GOLGA1: variants seen among roughly 807,000 people sequenced by gnomAD.
GOLGA1 encodes golgin A1.
In GOLGA1, 63 loss-of-function variants were observed where a neutral mutation model predicts 119.7. The observed-to-expected ratio is 0.53, with a 90% CI of 0.43 to 0.65. The LOEUF is 0.65. Ranked by LOEUF, GOLGA1 falls within the 30% of genes least tolerant of loss-of-function variation. GOLGA1 has a pLI of 0.00. For missense variants in GOLGA1, 798 were observed against 912.8 expected (o/e 0.87, Z 1.62); for synonymous variants, 318 against 333.4 (o/e 0.95, Z 0.50).
In GOLGA1 at chr9:124,908,397, T is replaced by C; in HGVS notation, c.1045A>G (p.Ile349Val). 1 of 1,603,774 alleles carries C rather than the reference T, an allele frequency of 6.2e-7. No homozygotes were observed. The highest frequency in any genetic ancestry group is 8.5e-7 in the Non-Finnish European group (1 of 1,170,500). Residue 349 changes from isoleucine to valine, a missense_variant, in exon 12 of 23, where the codon ATT becomes GTT. Transcript: ENST00000373555. Reference sequence around the variant, plus strand: ...AGTACCCGAGTCTCCAGGGTGTTAATGGCCTTAGCCTGGCTGCTTCTGGCT... The same window carrying C: ...AGTACCCGAGTCTCCAGGGTGTTAACGGCCTTAGCCTGGCTGCTTCTGGCT... ...LAARSSQAKA[I>V]NTLETRVREL...
Position 124,888,305 on chromosome 9 carries a change from T to C in GOLGA1, c.1853A>G (p.Gln618Arg), listed in dbSNP as rs781685088. The stretch of plus-strand genomic sequence containing the variant: ...CAAGTCCTGTTTCTCCTTCTGTAGC[T>C]GTGTGAGATCCATGGCCCCAACCTC... ...NGEVGAMDLTQLQKEKQDLEQ... is the reference protein window; with the variant it reads ...NGEVGAMDLTRLQKEKQDLEQ... Residue 618 changes from glutamine to arginine, a missense_variant, in exon 19 of 23, where the codon CAG becomes CGG. Gln to Arg is a conservative substitution (Grantham distance 43, BLOSUM62 1). Coordinates refer to ENST00000373555, the MANE Select transcript of GOLGA1 (RefSeq NM_002077.4). This position sits in a 1 kb window ranked among gnomAD's most constrained non-coding sequence, Gnocchi z 4.4. The C allele has an allele frequency of 1.9e-6, 3 of 1,614,058 alleles. No homozygotes were observed. The highest frequency in any genetic ancestry group is 2.2e-5 in the East Asian group (1 of 44,886).
At position 124,911,986 on chromosome 9, in the gene GOLGA1, T is replaced by C. The variant is rs1387390464; in HGVS notation, c.884A>G (p.His295Arg). ...CAAGGATGCAACCTTCTCTTGCAAA[T>C]GTGTGATAACGTCTTCTTTCTCTTG... ...ETQEKEDVITHLQEKVASLEK... is the reference protein window; with the variant it reads ...ETQEKEDVITRLQEKVASLEK... Residue 295 changes from histidine to arginine, a missense_variant, in exon 11 of 23, where the codon CAT becomes CGT. By Grantham distance (29) the His-to-Arg change is conservative. Coordinates refer to ENST00000373555, the MANE Select transcript of GOLGA1 (RefSeq NM_002077.4). 6.2e-7 allele frequency: 1 copy of C among 1,613,200 alleles called. No individual in the cohort carries two copies. The highest frequency in any genetic ancestry group is 1.1e-5 in the South Asian group (1 of 91,058).
At chr9:124,907,364 G>A (rs1307450792) in intron 12 of GOLGA1, among the ~76,000 whole-genome samples, 1 of 152,178 alleles carries the variant, frequency 6.6e-6, no homozygotes, top group African/African-American at 2.4e-5. Context: ...TTTATTATGT[G>A]AAGGAAAAAT....
At position 124,890,392 on chromosome 9, in the gene GOLGA1, T is replaced by G; in HGVS notation, c.1494A>C (p.Gln498His). Residue 498 changes from glutamine to histidine, a missense_variant, in exon 16 of 23, where the codon CAA becomes CAC. Coordinates refer to ENST00000373555, the MANE Select transcript of GOLGA1 (RefSeq NM_002077.4). Reference protein sequence around the residue: ...EVRKQREEFQQQAANLTAIID... With the variant: ...EVRKQREEFQHQAANLTAIID... ...CTCAGCGTGAAACAGGGCCCACCTG[T>G]TGCTGGAACTCTTCCCTTTGCTTCC... 1.2e-6 allele frequency: 2 copies of G among 1,608,178 alleles called. No individual in the cohort carries two copies. The highest frequency in any genetic ancestry group is 8.5e-7 in the Non-Finnish European group (1 of 1,174,570).
At chr9:124,883,508 C>CATA (rs1215923286) in intron 19 of GOLGA1, among the ~76,000 whole-genome samples, 1 of 152,054 alleles carries the variant, frequency 6.6e-6, no homozygotes. Flanking sequence ...TTGCAGGTGA[C>CATA]ATAATCTCAG....
chr9:124,882,039 T>A lies in GOLGA1; in HGVS notation c.1966-85A>T, dbSNP rs1038808734. 7.8e-6 allele frequency: 8 copies of A among 1,019,348 alleles called. No individual in the cohort carries two copies. The African/African-American group carries it at 1.3e-4, about 16-fold the overall frequency. The allele number at this position is 1,019,348 out of a possible 1,614,324, so 63.1% of individuals were successfully genotyped here. A position where few individuals can be genotyped will look rare whatever the true frequency, so the allele number is the denominator to read the frequency against. The stretch of plus-strand genomic sequence containing the variant: ...CACGGGAGGTTCACCTGGTCCAAAC[T>A]ATGATCACTATCGTAGGGCAAAAAG... On this transcript the variant is annotated intron_variant, in intron 20 of 22. Coordinates refer to ENST00000373555, the MANE Select transcript of GOLGA1 (RefSeq NM_002077.4).
chr9:124,886,724 T>C (rs1240598071), intron 19 of GOLGA1, among the ~76,000 whole-genome samples: 1 of 151,256 alleles, frequency 6.6e-6, no homozygotes, highest in East Asian at 1.9e-4. Flanking sequence ...GCTGGCGTAG[T>C]GCTTGGGGAG....
chr9:124,938,134 A>C (rs1830915199), intron 3 of GOLGA1, among the ~76,000 whole-genome samples: 1 of 152,100 alleles, frequency 6.6e-6, no homozygotes, highest in Non-Finnish European at 1.5e-5. Context: ...TACTGTAATC[A>C]CTGGGGCCAT....
At chr9:124,947,740 T>A (rs1206312816) in intron 1 of GOLGA1, 1 of 151,930 alleles carries the variant, frequency 6.6e-6, no homozygotes, top group African/African-American at 2.4e-5. Context: ...ATAAATAAGG[T>A]CAACAAAAGA....
chr9:124,906,611 G>A (rs1179357077), intron 12 of GOLGA1, among the ~76,000 whole-genome samples: 1 of 151,988 alleles, frequency 6.6e-6, no homozygotes. Context: ...AATTAGCTGG[G>A]CGTGATGCTG....
chr9:124,900,538 G>T lies in GOLGA1; in HGVS notation c.1075C>A (p.Leu359Met), dbSNP rs753200753. The change falls in exon 13 of 23, where the codon CTG (leucine) becomes ATG (methionine). Residue 359 changes from leucine to methionine, a missense_variant. Physicochemically the swap from Leu to Met is conservative, Grantham distance 15. Coordinates refer to ENST00000373555, the MANE Select transcript of GOLGA1 (RefSeq NM_002077.4). ...INTLETRVRE[L>M]EQTLQASEEQ... The stretch of plus-strand genomic sequence containing the variant: ...TCAGAGGCCTGCAAGGTCTGCTCCA[G>T]TTCTCTCACCTGAGAGGGAAGCAGA... 1.3e-6 allele frequency: 2 copies of T among 1,553,978 alleles called. No homozygotes were observed. The highest frequency in any genetic ancestry group is 1.8e-6 in the Non-Finnish European group (2 of 1,126,228).
At chr9:124,910,845 T>C (rs1417671002) in intron 11 of GOLGA1, among the ~76,000 whole-genome samples, 1 of 152,204 alleles carries the variant, frequency 6.6e-6, no homozygotes, top group African/African-American at 2.4e-5. Flanking sequence ...GGGACGATGA[T>C]GATCTGAGGT....
chr9:124,894,460 C>T (rs939015901), intron 15 of GOLGA1, among the ~76,000 whole-genome samples: 4 of 151,804 alleles, frequency 2.6e-5, no homozygotes, highest in Admixed American at 1.3e-4. Context: ...TGCAGTGGTA[C>T]GATCTTGCAC....
rs1469600742 is a variant in GOLGA1 at position 124,900,547 on chromosome 9, C to T, written c.1066G>A (p.Val356Met). The stretch of plus-strand genomic sequence containing the variant: ...TGCAAGGTCTGCTCCAGTTCTCTCA[C>T]CTGAGAGGGAAGCAGAAGCATTCTT... ...AKAINTLETR[V>M]RELEQTLQAS... Residue 356 changes from valine to methionine, a missense_variant and splice_region_variant, in exon 13 of 23, where the codon GTG becomes ATG. Physicochemically the swap from Val to Met is conservative, Grantham distance 21. Transcript: ENST00000373555. 6.1e-6 allele frequency: 9 copies of T among 1,482,412 alleles called. No individual in the cohort carries two copies. The highest frequency in any genetic ancestry group is 8.5e-6 in the Non-Finnish European group (9 of 1,063,234). 91.8% of individuals were successfully genotyped at this position (1,482,412 alleles called of 1,614,324 possible).
chr9:124,895,226 A>G (rs554024256), intron 15 of GOLGA1, among the ~76,000 whole-genome samples: 1 of 150,058 alleles, frequency 6.7e-6, no homozygotes, highest in African/African-American at 2.5e-5. Context: ...CATCCACAAG[A>G]GAGAACCCTC....
Position 124,915,599 on chromosome 9 carries a change from C to A in GOLGA1, c.844-3573G>T, listed in dbSNP as rs534942630. 9.9e-5 allele frequency among the ~76,000 whole-genome samples: 15 copies of A among 152,072 alleles called. No homozygotes were observed. In the South Asian group the frequency reaches 3.1e-3, roughly 32 times the overall value. Reference sequence around the variant, plus strand: ...GACCAGTGGCTTATGTTTGTAATCCCAGCACTGTGAGAGGCCGAGGCAGGA... The same window carrying A: ...GACCAGTGGCTTATGTTTGTAATCCAAGCACTGTGAGAGGCCGAGGCAGGA... On this transcript the variant is annotated intron_variant, in intron 10 of 22. Transcript: ENST00000373555.
At chr9:124,913,952 G>C (rs1236563174) in intron 10 of GOLGA1, among the ~76,000 whole-genome samples, 1 of 152,194 alleles carries the variant, frequency 6.6e-6, no homozygotes, top group Non-Finnish European at 1.5e-5. Flanking sequence ...CAAGGCTAGA[G>C]GCTGGGTGAG....
Position 124,915,309 on chromosome 9 carries a change from G to A in GOLGA1, c.844-3283C>T, listed in dbSNP as rs544739962. 3.9e-5 allele frequency among the ~76,000 whole-genome samples: 6 copies of A among 152,304 alleles called. No homozygotes were observed. The East Asian group carries it at 7.7e-4, about 20-fold the overall frequency. On this transcript the variant is annotated intron_variant, in intron 10 of 22. Coordinates refer to ENST00000373555, the MANE Select transcript of GOLGA1 (RefSeq NM_002077.4). ...AACACTGTCTAACCAAAGGGTAGTTGTGAGGACTCGATGAGTCCCTATCTG... is the reference window on the plus strand; with the variant it reads ...AACACTGTCTAACCAAAGGGTAGTTATGAGGACTCGATGAGTCCCTATCTG...
intron 3 of GOLGA1, among the ~76,000 whole-genome samples, chr9:124,933,499 T>C (rs1442858740): frequency 6.6e-6 from 1 of 152,118 alleles, no homozygotes; most frequent in African/African-American, 2.4e-5. Context: ...TGGCTCACTG[T>C]AACCTCTGCC....
Sources: allele counts gnomAD v4.1 joint callset (sites outside exome capture counted in the v4.1 genomes callset), GRCh38; gene constraint gnomAD v4.1.1; non-coding constraint Gnocchi (gnomAD v3.1); transcripts MANE v1.5; gene names NCBI Gene and HGNC (gene_info 2026-07-23, HGNC 2026-07-21).